Variants in FAM171A1 observed in about 807,000 individuals in gnomAD.
FAM171A1 encodes the protein protein FAM171A1.
FAM171A1 carries 23 observed loss-of-function variants against 74.9 expected under a neutral mutation model. The observed-to-expected ratio is 0.31, with a 90% CI of 0.22 to 0.44. The LOEUF is 0.44. FAM171A1 is among the 20% of genes least tolerant of loss of function. The probability of loss-of-function intolerance (pLI) is 1.00; values close to 1 mark genes in which losing one functional copy is unlikely to be tolerated. For synonymous variants in FAM171A1, 527 were observed against 505.7 expected, an observed-to-expected ratio of 1.04 and a Z score of -0.57; for missense variants, 1,162 against 1,159.2, an observed-to-expected ratio of 1.00 and a Z score of -0.03.
At chr10:15,263,879 CTATCTATCTATCT>C (rs1834701203) in intron 3 of FAM171A1, among the ~76,000 whole-genome samples, 1 of 151,200 alleles carries the variant, frequency 6.6e-6, no homozygotes, top group Non-Finnish European at 1.5e-5. Flanking sequence ...ATCTATCTAT[CTATCTATCTATCT>C]ATCTATCTAT....
chr10:15,246,422 G>A (rs1000963622), intron 5 of FAM171A1, among the ~76,000 whole-genome samples: 3 of 152,140 alleles, frequency 2.0e-5, no homozygotes, highest in Admixed American at 6.5e-5. Context: ...TAACTGATTC[G>A]AGGAATTAGA....
chr10:15,220,498 G>A (rs904533553), intron 6 of FAM171A1, among the ~76,000 whole-genome samples: 2 of 152,184 alleles, frequency 1.3e-5, no homozygotes, highest in African/African-American at 4.8e-5. Context: ...TAGATACAAA[G>A]CAACTGGTTT....
In FAM171A1 at chr10:15,221,374, A is replaced by G. The variant is rs565849365; in HGVS notation, c.755-314T>C. ...GCAGAAGCCTTTGGAACTCAGAAGC[A>G]GAATACAGGCAGCATGATGGGGGCT... On this transcript the variant is annotated intron_variant, in intron 5 of 7. Coordinates refer to ENST00000378116, the MANE Select transcript of FAM171A1 (RefSeq NM_001010924.2). Among the ~76,000 whole-genome samples, 42 of 152,352 alleles carry G rather than the reference A, an allele frequency of 2.8e-4. No homozygotes were observed. The South Asian group carries it at 8.7e-3, about 32-fold the overall frequency.
chr10:15,254,992 C>T (rs1834561110), intron 3 of FAM171A1, 113 bp from the exon 4 acceptor site: 1 of 921,718 alleles, frequency 1.1e-6, no homozygotes, highest in Non-Finnish European at 1.6e-6. Context: ...CACCCTGCTC[C>T]CTCTCACAAG....
chr10:15,249,960 A>AAG (rs1834487044), intron 4 of FAM171A1, among the ~76,000 whole-genome samples: 1 of 152,250 alleles, frequency 6.6e-6, no homozygotes. Context: ...TAAAAAATTT[A>AAG]AGCTGCATTA....
At chr10:15,342,118 G>A (rs1214576353) in intron 1 of FAM171A1, among the ~76,000 whole-genome samples, 1 of 152,192 alleles carries the variant, frequency 6.6e-6, no homozygotes, top group African/African-American at 2.4e-5. Context: ...ATGAAATTGG[G>A]GCTACAAACC....
chr10:15,220,870 G>T, intron 6 of FAM171A1, 74 bp downstream of exon 6: 1 of 1,054,238 alleles, frequency 9.5e-7, no homozygotes. Flanking sequence ...TTATTTTCAA[G>T]AGCATACTTA....
chr10:15,301,415 C>T (rs1835228071), intron 1 of FAM171A1, among the ~76,000 whole-genome samples: 1 of 151,228 alleles, frequency 6.6e-6, no homozygotes, highest in African/African-American at 2.4e-5. Context: ...GTTGGCCAGC[C>T]TGGTCTTGAA....
At chr10:15,367,926 C>T (rs934053306) in intron 1 of FAM171A1, among the ~76,000 whole-genome samples, 4 of 152,200 alleles carry the variant, frequency 2.6e-5, no homozygotes, top group Non-Finnish European at 4.4e-5. Flanking sequence ...AAACACATCC[C>T]TAAAGAGTAC....
chr10:15,298,242 C>A (rs551391720), intron 1 of FAM171A1, among the ~76,000 whole-genome samples: 1 of 152,228 alleles, frequency 6.6e-6, no homozygotes, highest in East Asian at 1.9e-4. Flanking sequence ...TGAAGCGATT[C>A]TCCTGTCTCA....
intron 3 of FAM171A1, among the ~76,000 whole-genome samples, chr10:15,259,132 C>G (rs774289513): frequency 5.3e-5 from 8 of 152,204 alleles, no homozygotes; most frequent in Non-Finnish European, 1.0e-4. Flanking sequence ...TTCTCCCTAT[C>G]TATCATCCTC....
intron 5 of FAM171A1, among the ~76,000 whole-genome samples, chr10:15,243,447 T>C (rs78677697): frequency 0.12 from 18,481 of 152,142 alleles, 1,198 homozygotes; most frequent in Middle Eastern, 0.18. Context: ...CAAAAACTTC[T>C]TTAAGTTTGT....
chr10:15,248,229 TTTTC>T (rs1834459833), intron 5 of FAM171A1, among the ~76,000 whole-genome samples: 1 of 152,182 alleles, frequency 6.6e-6, no homozygotes, highest in African/African-American at 2.4e-5. Flanking sequence ...GTAATTTTTA[TTTTC>T]TTTGTTTTGT....
chr10:15,263,848 CATCT>C (rs56341083), intron 3 of FAM171A1, among the ~76,000 whole-genome samples: 29,946 of 143,540 alleles, frequency 0.21, 3,102 homozygotes, highest in Non-Finnish European at 0.22. Context: ...ACATTTATCT[CATCT>C]ATCTATCTAT....
At chr10:15,222,855 C>G (rs528666680) in intron 5 of FAM171A1, among the ~76,000 whole-genome samples, 6 of 152,354 alleles carry the variant, frequency 3.9e-5, no homozygotes, top group Non-Finnish European at 5.9e-5. Context: ...CCTTCCCACG[C>G]CACAGGCTGG....
chr10:15,322,131 T>C (rs1360285283), intron 1 of FAM171A1, among the ~76,000 whole-genome samples: 3 of 152,226 alleles, frequency 2.0e-5, no homozygotes, highest in African/African-American at 7.2e-5. Context: ...TTAAACCCTT[T>C]GCAGAGATTA....
chr10:15,368,161 A>G (rs7906860), intron 1 of FAM171A1, among the ~76,000 whole-genome samples: 1,642 of 152,358 alleles, frequency 0.011, 32 homozygotes, highest in African/African-American at 0.037. Flanking sequence ...AATTCATGAT[A>G]AACAAAGCCA....
chr10:15,267,448 C>T (rs959245691), intron 3 of FAM171A1, among the ~76,000 whole-genome samples: 2 of 151,816 alleles, frequency 1.3e-5, no homozygotes, highest in Non-Finnish European at 2.9e-5. Context: ...ACTAAAAATA[C>T]CAAAATTAGC....
At chr10:15,291,638 T>G (rs745420568) in intron 1 of FAM171A1, among the ~76,000 whole-genome samples, 13 of 152,214 alleles carry the variant, frequency 8.5e-5, no homozygotes, top group Non-Finnish European at 1.6e-4. Context: ...ACAGCCCTTG[T>G]GGATCAGGCC....
Sources: allele counts gnomAD v4.1 joint callset (sites outside exome capture counted in the v4.1 genomes callset), GRCh38; gene constraint gnomAD v4.1.1; transcripts MANE v1.5; gene names NCBI Gene and HGNC (gene_info 2026-07-23, HGNC 2026-07-21).